The following TBCA variants were observed in gnomAD, a reference collection of about 807,000 sequenced individuals.
TBCA encodes tubulin folding cofactor A.
TBCA carries 6 observed loss-of-function variants against 15.8 expected under a neutral mutation model. That is an observed-to-expected ratio of 0.38 (90% confidence interval 0.21 to 0.75). TBCA has a LOEUF of 0.75. Among genes scored for constraint, TBCA ranks in the 30% least tolerant of loss-of-function variants. The pLI is 0.46. For missense variants in TBCA, 90 were observed against 131.2 expected (o/e 0.69, Z 1.53); for synonymous variants, 32 against 42.3 (o/e 0.76, Z 0.94).
At chr5:77,753,243 A>T (rs1747395939) in intron 1 of TBCA, among the ~76,000 whole-genome samples, 1 of 152,216 alleles carries the variant, frequency 6.6e-6, no homozygotes, top group African/African-American at 2.4e-5. Context: ...CTTACCAAAG[A>T]TTACCAAAGT....
intron 1 of TBCA, among the ~76,000 whole-genome samples, chr5:77,763,683 C>A (rs1417049719): frequency 6.6e-6 from 1 of 152,204 alleles, no homozygotes; most frequent in Admixed American, 6.5e-5. Flanking sequence ...CAGCAGTCCT[C>A]AACCCAAAGA....
At chr5:77,694,620 T>C (rs1426437568) in intron 2 of TBCA, among the ~76,000 whole-genome samples, 2 of 152,146 alleles carry the variant, frequency 1.3e-5, no homozygotes, top group Non-Finnish European at 2.9e-5. Flanking sequence ...TAAACATTTA[T>C]TTCCAAAAAA....
chr5:77,760,622 C>T (rs1179669100), intron 1 of TBCA, among the ~76,000 whole-genome samples: 3 of 152,186 alleles, frequency 2.0e-5, no homozygotes, highest in Non-Finnish European at 2.9e-5. Context: ...GGGGTTTCGC[C>T]GTGTTGGCCG....
chr5:77,755,363 G>C (rs2112498568), intron 1 of TBCA, among the ~76,000 whole-genome samples: 1 of 152,122 alleles, frequency 6.6e-6, no homozygotes, highest in Non-Finnish European at 1.5e-5. Context: ...CAGATCATGA[G>C]GTCAGGAGCT....
chr5:77,740,619 A>C (rs1389759541), intron 1 of TBCA, among the ~76,000 whole-genome samples: 1 of 152,192 alleles, frequency 6.6e-6, no homozygotes, highest in Non-Finnish European at 1.5e-5. Context: ...GTTGTGTTTA[A>C]AGGATATTAT....
chr5:77,773,474 T>C (rs901750699), intron 1 of TBCA, among the ~76,000 whole-genome samples: 3 of 152,240 alleles, frequency 2.0e-5, no homozygotes, highest in African/African-American at 7.2e-5. Context: ...CAGGCAGTTC[T>C]TGCAACAACT....
At position 77,744,735 on chromosome 5, in the gene TBCA, C is replaced by T. The variant is rs150809426; in HGVS notation, c.53+31470G>A. Among the ~76,000 whole-genome samples, 586 of 152,000 alleles carry T rather than the reference C, an allele frequency of 3.9e-3. 4 individuals are homozygous for T. Among genetic ancestry groups the T allele is most frequent in the African/African-American group, 0.012 (496 of 41,468 alleles). The stretch of plus-strand genomic sequence containing the variant: ...ATTTTTAGTAGAGACGGGGTTTCAC[C>T]ATGTTGGCCAGGCTGGTCTCGAACT... On this transcript the variant is annotated intron_variant, in intron 1 of 3. Transcript: ENST00000380377.
chr5:77,694,344 A>G (rs1745825190), intron 2 of TBCA: 1 of 152,202 alleles, frequency 6.6e-6, no homozygotes. Context: ...CTTCTTGCCT[A>G]TTCCTCCTGA....
chr5:77,696,437 A>AG (rs991588284), intron 2 of TBCA, among the ~76,000 whole-genome samples: 1 of 152,204 alleles, frequency 6.6e-6, no homozygotes, highest in African/African-American at 2.4e-5. Context: ...AAGAAAAAAA[A>AG]TGATCTTTGG....
At chr5:77,692,588 A>G in intron 3 of TBCA, 1 of 985,454 alleles carries the variant, frequency 1.0e-6, no homozygotes, top group Non-Finnish European at 1.2e-6. Flanking sequence ...CCTGGCGGCC[A>G]ACATTATTTT....
At chr5:77,751,889 T>C (rs542719045) in intron 1 of TBCA, among the ~76,000 whole-genome samples, 1 of 152,208 alleles carries the variant, frequency 6.6e-6, no homozygotes, top group Non-Finnish European at 1.5e-5. Flanking sequence ...GATTAAATCA[T>C]AGGGAGTCAA....
intron 2 of TBCA, chr5:77,705,773 G>A (rs1746135902): frequency 2.6e-6 from 1 of 391,232 alleles, no homozygotes; most frequent in Non-Finnish European, 4.5e-6. Flanking sequence ...GGCAGTAACA[G>A]TGAGCTAGGA....
At chr5:77,701,746 A>T (rs1746023145) in intron 2 of TBCA, among the ~76,000 whole-genome samples, 1 of 140,366 alleles carries the variant, frequency 7.1e-6, no homozygotes, top group Non-Finnish European at 1.6e-5. Context: ...CTACTCAGCC[A>T]CAAATAGCAA....
intron 1 of TBCA, among the ~76,000 whole-genome samples, chr5:77,746,389 A>G (rs567714368): frequency 3.7e-4 from 57 of 152,354 alleles, no homozygotes; most frequent in Non-Finnish European, 6.9e-4. Flanking sequence ...TGATACTAAA[A>G]TAACATAAAA....
chr5:77,755,124 G>A (rs1747442533), intron 1 of TBCA, among the ~76,000 whole-genome samples: 1 of 152,204 alleles, frequency 6.6e-6, no homozygotes, highest in Non-Finnish European at 1.5e-5. Flanking sequence ...AAAAGAAATG[G>A]TTGGATTCAT....
intron 1 of TBCA, among the ~76,000 whole-genome samples, chr5:77,751,470 C>T (rs919160152): frequency 6.6e-6 from 1 of 152,024 alleles, no homozygotes; most frequent in African/African-American, 2.4e-5. Context: ...TGAGCCACCG[C>T]GCCGGCCAGC....
chr5:77,708,489 T>C (rs890227315), intron 1 of TBCA, 142 bp from the exon 2 acceptor site: 9 of 543,578 alleles, frequency 1.7e-5, no homozygotes, highest in Non-Finnish European at 3.0e-5. Flanking sequence ...AGAAGAAAAA[T>C]AGTTTAGTCA....
chr5:77,706,876 A>G (rs1358031411), intron 2 of TBCA, among the ~76,000 whole-genome samples: 1 of 151,720 alleles, frequency 6.6e-6, no homozygotes, highest in Non-Finnish European at 1.5e-5. Flanking sequence ...CTGATATTAG[A>G]TGTGGTTATG....
intron 1 of TBCA, among the ~76,000 whole-genome samples, chr5:77,754,621 G>C (rs1274008972): frequency 6.6e-6 from 1 of 152,114 alleles, no homozygotes; most frequent in Non-Finnish European, 1.5e-5. Flanking sequence ...GATTACCTAA[G>C]TAAGAACCTT....
Sources: allele counts gnomAD v4.1 joint callset (sites outside exome capture counted in the v4.1 genomes callset), GRCh38; gene constraint gnomAD v4.1.1; transcripts MANE v1.5; gene names NCBI Gene and HGNC (gene_info 2026-07-23, HGNC 2026-07-21).